The following ACLY variants were observed in gnomAD, a reference collection of about 807,000 sequenced individuals.
The protein encoded by ACLY is ATP-citrate synthase.
ACLY carries 41 observed loss-of-function variants against 133.0 expected under a neutral mutation model. The observed-to-expected ratio is 0.31, with a 90% CI of 0.24 to 0.40. The LOEUF (loss-of-function observed/expected upper bound fraction) is 0.40. ACLY is among the 10% of genes least tolerant of loss of function. The probability of loss-of-function intolerance (pLI) is 1.00; values close to 1 mark genes in which losing one functional copy is unlikely to be tolerated. For missense variants in ACLY, 1,046 were observed against 1,453.8 expected (o/e 0.72, Z 4.56); for synonymous variants, 495 against 549.3 (o/e 0.90, Z 1.38).
chr17:41,873,071 G>A (rs952297937), intron 23 of ACLY, among the ~76,000 whole-genome samples: 2 of 152,084 alleles, frequency 1.3e-5, no homozygotes, highest in African/African-American at 4.8e-5. Flanking sequence ...CTGCCCAGCC[G>A]TCAGTCCCAC....
intron 12 of ACLY, 141 bp downstream of exon 12, chr17:41,898,490 G>T: frequency 8.9e-7 from 1 of 1,119,360 alleles, no homozygotes. Context: ...GAAAAAAATT[G>T]GCAGAGATCC....
chr17:41,922,261 C>T (rs183772250), upstream of ACLY, among the ~76,000 whole-genome samples: 55 of 151,884 alleles, frequency 3.6e-4, 2 homozygotes, highest in East Asian at 0.01. Flanking sequence ...TGCCTGTAGT[C>T]CCAGCTACTC....
At position 41,911,837 on chromosome 17, in the gene ACLY, G is replaced by A. The variant is rs1236411414; in HGVS notation, c.282+583C>T. On this transcript the variant is annotated intron_variant, in intron 3 of 28. Coordinates refer to ENST00000352035, the MANE Select transcript of ACLY (RefSeq NM_001096.3). ...GTCTTAAAAAAAAATAAAGTAGGCC[G>A]GGCGCAGTGGCTCATGCCTATAATC... 5.3e-5 allele frequency among the ~76,000 whole-genome samples: 8 copies of A among 151,968 alleles called. No homozygotes were observed. The South Asian group carries it at 6.2e-4, about 12-fold the overall frequency.
intron 1 of ACLY, among the ~76,000 whole-genome samples, chr17:41,914,848 T>C (rs927109571): frequency 2.0e-5 from 3 of 152,088 alleles, no homozygotes; most frequent in Non-Finnish European, 2.9e-5. Context: ...CGCTGCACTG[T>C]AGCCTGGGTG....
intron 21 of ACLY, 58 bp downstream of exon 21, chr17:41,878,739 T>TC: frequency 6.2e-7 from 1 of 1,605,290 alleles, no homozygotes; most frequent in Non-Finnish European, 8.5e-7. Flanking sequence ...GAGGCTGCTG[T>TC]CTCAGGAGGG....
chr17:41,913,439 G>A (rs1229081300), intron 2 of ACLY, among the ~76,000 whole-genome samples: 2 of 152,178 alleles, frequency 1.3e-5, no homozygotes, highest in African/African-American at 4.8e-5. Context: ...GAGGTGAAAT[G>A]GCTTGCCCCA....
Position 41,915,565 on chromosome 17 carries a change from T to C in ACLY, c.-23-1669A>G, listed in dbSNP as rs8079193. Among the ~76,000 whole-genome samples the C allele has an allele frequency of 9.1e-3, 1,380 of 152,210 alleles. 22 individuals are homozygous for C. The highest frequency in any genetic ancestry group is 0.032 in the African/African-American group (1,322 of 41,544). Reference sequence around the variant, plus strand: ...CTAGCTAGTATCCAGCATGGCACAATGGGTGTATTCAGCCTGGTGTCTGCC... The same window carrying C: ...CTAGCTAGTATCCAGCATGGCACAACGGGTGTATTCAGCCTGGTGTCTGCC... On this transcript the variant is annotated intron_variant, in intron 1 of 28. Transcript: ENST00000352035.
At chr17:41,913,935 G>C (rs527339980) in intron 1 of ACLY, 39 bp from the exon 2 acceptor site, 3 of 1,597,648 alleles carry the variant, frequency 1.9e-6, no homozygotes, top group African/African-American at 2.7e-5. Context: ...GGGGGCAGGC[G>C]TGTGGAGGCA....
chr17:41,882,367 CAAAAAAAAAAAAA>C (rs34078258), intron 20 of ACLY, among the ~76,000 whole-genome samples: 854 of 40,314 alleles, frequency 0.021, 35 homozygotes, highest in African/African-American at 0.066. Flanking sequence ...ACCCTGTCTC[CAAAAAAAAAAAAA>C]AAAAAAAAAA....
At position 41,867,777 on chromosome 17, in the gene ACLY, C is replaced by T; in HGVS notation, c.*33G>A. Reference sequence around the variant, plus strand: ...TTTTTCTTGGGGGAAGAGATCTTGTCTTCAGTTTACTGCAGTAGGGTTCCT... The same window carrying T: ...TTTTTCTTGGGGGAAGAGATCTTGTTTTCAGTTTACTGCAGTAGGGTTCCT... On this transcript the variant is annotated 3_prime_UTR_variant, in exon 29 of 29. Transcript: ENST00000352035. The T allele has an allele frequency of 6.5e-7, 1 of 1,544,644 alleles. No homozygotes were observed.
At chr17:41,869,690 C>T (rs545147361) in intron 25 of ACLY, 103 bp from the exon 26 acceptor site, 37 of 938,104 alleles carry the variant, frequency 3.9e-5, no homozygotes, top group African/African-American at 1.9e-4. Flanking sequence ...ATCCCAGCGG[C>T]GATTCAGGAA....
intron 8 of ACLY, among the ~76,000 whole-genome samples, 170 bp downstream of exon 8, chr17:41,906,358 G>A (rs2144379688): frequency 6.6e-6 from 1 of 152,242 alleles, no homozygotes; most frequent in South Asian, 2.1e-4. Context: ...GAAGACACTG[G>A]GTGCAGGACA....
intron 22 of ACLY, among the ~76,000 whole-genome samples, chr17:41,875,616 A>T (rs2048722514): frequency 6.6e-6 from 1 of 151,920 alleles, no homozygotes; most frequent in African/African-American, 2.4e-5. Flanking sequence ...TGGTTTTCGT[A>T]TTTTTTTGGT....
chr17:41,885,290 G>A (rs2049019491), intron 18 of ACLY, among the ~76,000 whole-genome samples: 1 of 152,080 alleles, frequency 6.6e-6, no homozygotes, highest in South Asian at 2.1e-4. Flanking sequence ...CAAGGACTGG[G>A]GATTCCCAGG....
At chr17:41,879,474 G>C (rs1365026110) in intron 20 of ACLY, among the ~76,000 whole-genome samples, 3 of 133,314 alleles carry the variant, frequency 2.3e-5, no homozygotes, top group Non-Finnish European at 4.7e-5. Flanking sequence ...CAGGAGTAAA[G>C]TGATGCAGTC....
chr17:41,886,431 G>A, intron 17 of ACLY, 123 bp from the exon 18 acceptor site: 1 of 956,008 alleles, frequency 1.0e-6, no homozygotes, highest in Non-Finnish European at 1.5e-6. Flanking sequence ...ATGACCAAGA[G>A]AAATCACACT....
chr17:41,906,335 CAAG>C (rs782112600), intron 8 of ACLY, among the ~76,000 whole-genome samples, 190 bp downstream of exon 8: 53 of 152,274 alleles, frequency 3.5e-4, no homozygotes, highest in Non-Finnish European at 6.5e-4. Flanking sequence ...TTGACACAAA[CAAG>C]AAGGTTATAG....
At chr17:41,901,128 T>C (rs2049526821) in intron 11 of ACLY, among the ~76,000 whole-genome samples, 1 of 151,114 alleles carries the variant, frequency 6.6e-6, no homozygotes, top group Non-Finnish European at 1.5e-5. Flanking sequence ...CTAATTTTTG[T>C]ATTTTTTTTT....
chr17:41,902,316 C>T (rs951392237), intron 10 of ACLY, among the ~76,000 whole-genome samples: 16 of 152,162 alleles, frequency 1.1e-4, no homozygotes, highest in Admixed American at 3.3e-4. Context: ...TGGGTTCAAG[C>T]GATTCTCCTG....
Sources: allele counts gnomAD v4.1 joint callset (sites outside exome capture counted in the v4.1 genomes callset), GRCh38; gene constraint gnomAD v4.1.1; transcripts MANE v1.5; gene names NCBI Gene and HGNC (gene_info 2026-07-23, HGNC 2026-07-21).